Variants in PDE10A observed in about 807,000 individuals in gnomAD.
PDE10A encodes the protein cAMP and cAMP-inhibited cGMP 3',5'-cyclic phosphodiesterase 10A.
A neutral mutation model predicts 97.7 loss-of-function variants in PDE10A; 39 were observed. That is an observed-to-expected ratio of 0.40 (90% CI 0.31 to 0.52). The LOEUF (loss-of-function observed/expected upper bound fraction) is 0.52, where lower values mean the gene tolerates loss of function less well. PDE10A is among the 20% of genes least tolerant of loss of function. The pLI is 0.56. For synonymous variants in PDE10A, 371 were observed against 376.8 expected, an observed-to-expected ratio of 0.98 and a Z score of 0.18; for missense variants, 731 against 1,047.8, an observed-to-expected ratio of 0.70 and a Z score of 4.17.
chr6:165,970,668 T>G (rs878880089), intron 1 of PDE10A, among the ~76,000 whole-genome samples: 1 of 152,184 alleles, frequency 6.6e-6, no homozygotes, highest in Non-Finnish European at 1.5e-5. Context: ...AAGAAAACTT[T>G]GAAACAGTAC....
intron 18 of PDE10A, among the ~76,000 whole-genome samples, chr6:165,365,823 TTA>T: frequency 6.6e-6 from 1 of 152,282 alleles, no homozygotes; most frequent in South Asian, 2.1e-4. Flanking sequence ...ATGGTTAACA[TTA>T]GTTATTTAAA....
At chr6:165,403,209 G>A (rs748162514) in intron 13 of PDE10A, among the ~76,000 whole-genome samples, 1 of 152,158 alleles carries the variant, frequency 6.6e-6, no homozygotes, top group African/African-American at 2.4e-5. Flanking sequence ...ATCTTAGATG[G>A]GTATCAGCAC....
intron 1 of PDE10A, among the ~76,000 whole-genome samples, chr6:165,857,102 G>T (rs1469761971): frequency 1.3e-5 from 2 of 152,274 alleles, no homozygotes; most frequent in South Asian, 2.1e-4. Context: ...CCCTCACCTT[G>T]TTCTTTAGTT....
chr6:165,664,307 T>C (rs1790439400), upstream of PDE10A, among the ~76,000 whole-genome samples: 1 of 152,146 alleles, frequency 6.6e-6, no homozygotes, highest in African/African-American at 2.4e-5. Context: ...TTTTGAAGCG[T>C]GCTCCAGATT....
At chr6:165,691,188 C>CCT (rs1554306014) in intron 1 of PDE10A, among the ~76,000 whole-genome samples, 1 of 8,386 alleles carries the variant, frequency 1.2e-4, no homozygotes, top group Non-Finnish European at 4.6e-4. Context: ...TCTCTCTCTC[C>CCT]CTCTCTCTCT....
intron 1 of PDE10A, among the ~76,000 whole-genome samples, chr6:165,691,871 C>A (rs1254737012): frequency 6.6e-6 from 1 of 152,208 alleles, no homozygotes; most frequent in East Asian, 1.9e-4. Flanking sequence ...TTAACCATTT[C>A]ATCTTACGCT....
Position 165,796,193 on chromosome 6 carries a change from T to C in PDE10A, c.-615+191336A>G, listed in dbSNP as rs577693087. Among the ~76,000 whole-genome samples the C allele has an allele frequency of 6.6e-5, 10 of 150,600 alleles. No homozygotes were observed. In the East Asian group the frequency reaches 1.8e-3, roughly 27 times the overall value. On this transcript the variant is annotated intron_variant, in intron 1 of 19. Coordinates refer to the PDE10A transcript ENST00000366882. ...TCACTGCCAGCTCCGCCTCCCGAGT[T>C]CACGCCATTCTCCTGCCTCAGCCTC...
intron 1 of PDE10A, among the ~76,000 whole-genome samples, chr6:165,648,450 C>A (rs756796493): frequency 5.9e-5 from 9 of 152,084 alleles, no homozygotes; most frequent in South Asian, 2.1e-4. Context: ...TGAATTACAT[C>A]TCTTTCTATA....
At chr6:165,668,228 G>A (rs1322738142), upstream of PDE10A, among the ~76,000 whole-genome samples, 2 of 152,196 alleles carry the variant, frequency 1.3e-5, no homozygotes, top group African/African-American at 4.8e-5. Flanking sequence ...AGAGGTCATA[G>A]AGGGACATTC....
At chr6:165,610,219 T>C (rs1253595315) in intron 1 of PDE10A, among the ~76,000 whole-genome samples, 5 of 152,100 alleles carry the variant, frequency 3.3e-5, no homozygotes, top group Admixed American at 3.3e-4. Flanking sequence ...TCTACAACTA[T>C]CTGATCTTTG....
At chr6:165,610,901 T>C (rs1787461929) in intron 1 of PDE10A, among the ~76,000 whole-genome samples, 1 of 152,148 alleles carries the variant, frequency 6.6e-6, no homozygotes, top group Admixed American at 6.5e-5. Context: ...CTAAGTTCTC[T>C]GCAAATTACC....
rs962995453 is a variant in PDE10A, at chr6:165,605,731, C to T, written c.865+56216G>A. Reference sequence around the variant, plus strand: ...AAATGCTTCGGCGCATGCAATGCTACTACTGTTTTCAGGTAGGTGGCCATC... The same window carrying T: ...AAATGCTTCGGCGCATGCAATGCTATTACTGTTTTCAGGTAGGTGGCCATC... On this transcript the variant is annotated intron_variant, in intron 1 of 21. Coordinates refer to ENST00000539869, the MANE Select transcript of PDE10A (RefSeq NM_001385079.1). 2.0e-5 allele frequency among the ~76,000 whole-genome samples: 3 copies of T among 152,150 alleles called. No homozygotes were observed. In the South Asian group the frequency reaches 6.3e-4, roughly 32 times the overall value.
intron 1 of PDE10A, among the ~76,000 whole-genome samples, chr6:165,717,033 C>A (rs959170717): frequency 2.6e-5 from 4 of 152,252 alleles, no homozygotes; most frequent in South Asian, 2.1e-4. Flanking sequence ...CACTATTCTG[C>A]CTTCTGTTTC....
chr6:165,727,013 GGGTTCCCC>G (rs149417786), intron 1 of PDE10A, among the ~76,000 whole-genome samples: 1,995 of 152,304 alleles, frequency 0.013, 21 homozygotes, highest in Non-Finnish European at 0.021. Context: ...CTCGCGTGGG[GGGTTCCCC>G]TGGGACCGAG....
At position 165,506,406 on chromosome 6, in the gene PDE10A, T is replaced by C. The variant is rs539618914; in HGVS notation, c.995-24063A>G. 3.3e-5 allele frequency among the ~76,000 whole-genome samples: 5 copies of C among 152,292 alleles called. No individual in the cohort carries two copies. In the South Asian group the frequency reaches 6.2e-4, roughly 19 times the overall value. On this transcript the variant is annotated intron_variant, in intron 2 of 21. Transcript: ENST00000539869. ...CAATATTCTCCCCACTTTAAAAATG[T>C]TGAATATTCTCCTAAAAGAAAAATG...
chr6:165,919,636 A>G (rs1438058115), intron 1 of PDE10A, among the ~76,000 whole-genome samples: 4 of 152,166 alleles, frequency 2.6e-5, no homozygotes, highest in African/African-American at 9.7e-5. Context: ...TGAGCATATA[A>G]AAAACATTCT....
intron 1 of PDE10A, among the ~76,000 whole-genome samples, chr6:165,577,812 CT>C (rs1194162070): frequency 6.6e-6 from 1 of 152,216 alleles, no homozygotes; most frequent in African/African-American, 2.4e-5. Flanking sequence ...CATCCGCCCG[CT>C]TCCGGCCTGG....
At chr6:165,857,698 C>CGTGTGTGTGTGTGT (rs775208021) in intron 1 of PDE10A, among the ~76,000 whole-genome samples, 1 of 123,526 alleles carries the variant, frequency 8.1e-6, no homozygotes, top group African/African-American at 2.9e-5. Flanking sequence ...TCAACAGTTC[C>CGTGTGTGTGTGTGT]GTGTGTGTGT....
At chr6:165,811,585 G>T (rs1369227630) in intron 1 of PDE10A, among the ~76,000 whole-genome samples, 1 of 152,196 alleles carries the variant, frequency 6.6e-6, no homozygotes, top group Non-Finnish European at 1.5e-5. Context: ...TCTGGGTCCT[G>T]TTGGACTCCA....
Sources: allele counts gnomAD v4.1 joint callset (sites outside exome capture counted in the v4.1 genomes callset), GRCh38; gene constraint gnomAD v4.1.1; transcripts MANE v1.5; gene names NCBI Gene and HGNC (gene_info 2026-07-23, HGNC 2026-07-21).